GLCE: variants seen among roughly 807,000 people sequenced by gnomAD.
The protein encoded by GLCE is D-glucuronyl C5-epimerase.
GLCE carries 19 observed loss-of-function variants against 47.9 expected under a neutral mutation model. The observed-to-expected ratio is 0.40, with a 90% CI of 0.28 to 0.58. GLCE has a LOEUF of 0.58. GLCE is among the 20% of genes least tolerant of loss of function. The pLI, the probability that GLCE is intolerant of heterozygous loss-of-function variation, is 0.48. For missense variants in GLCE, 556 were observed against 743.3 expected (o/e 0.75, Z 2.93); for synonymous variants, 245 against 263.4 (o/e 0.93, Z 0.68).
At chr15:69,254,244 A>T (rs766369126) in intron 2 of GLCE, among the ~76,000 whole-genome samples, 1 of 152,218 alleles carries the variant, frequency 6.6e-6, no homozygotes. Context: ...TGTATCATAC[A>T]TTATATGTAT....
chr15:69,255,744 A>T, intron 2 of GLCE, 50 bp from the exon 3 acceptor site: 1 of 1,047,068 alleles, frequency 9.6e-7, no homozygotes, highest in Admixed American at 2.2e-5. Flanking sequence ...TATCCTATGA[A>T]ATGCCGGTAG....
At chr15:69,247,792 A>G (rs976018518) in intron 2 of GLCE, among the ~76,000 whole-genome samples, 4 of 152,196 alleles carry the variant, frequency 2.6e-5, no homozygotes, top group Non-Finnish European at 5.9e-5. Flanking sequence ...GAAACAGGCA[A>G]TCGGGGAACA....
At chr15:69,161,882 G>A (rs1016483455) in intron 1 of GLCE, among the ~76,000 whole-genome samples, 7 of 145,188 alleles carry the variant, frequency 4.8e-5, no homozygotes, top group Non-Finnish European at 9.1e-5. Flanking sequence ...CAGCTCCTGA[G>A]CAACTGGAAT....
intron 1 of GLCE, among the ~76,000 whole-genome samples, chr15:69,163,622 A>G (rs780470815): frequency 2.1e-4 from 32 of 152,238 alleles, no homozygotes; most frequent in Non-Finnish European, 3.5e-4. Context: ...GTAAGCATAC[A>G]AAAGCCTATA....
At position 69,257,810 on chromosome 15, in the gene GLCE, A is replaced by G. The variant is rs1041387507; in HGVS notation, c.586+1418A>G. On this transcript the variant is annotated intron_variant, in intron 3 of 4. Transcript: ENST00000261858. ...TGTTTACTATACAGTGATTCAGGAG[A>G]GTAATAGAGATTTCAAAGATATTCA... is the stretch of plus-strand genomic sequence containing the variant. Among the ~76,000 whole-genome samples, 6 of 152,052 alleles carry G rather than the reference A, an allele frequency of 3.9e-5. No homozygotes were observed. The East Asian group carries it at 1.2e-3, about 29-fold the overall frequency.
chr15:69,180,815 A>G (rs538239387), intron 1 of GLCE, among the ~76,000 whole-genome samples: 2 of 152,246 alleles, frequency 1.3e-5, no homozygotes, highest in Non-Finnish European at 2.9e-5. Context: ...TACGTGGTAT[A>G]GAAAGACATT....
chr15:69,179,657 G>A (rs531889285), intron 1 of GLCE, among the ~76,000 whole-genome samples: 1,755 of 152,232 alleles, frequency 0.012, 26 homozygotes, highest in African/African-American at 0.038. Context: ...TTATAGGGGA[G>A]ATAATAGAGA....
chr15:69,244,557 T>C (rs563919279), intron 2 of GLCE, among the ~76,000 whole-genome samples: 2 of 152,302 alleles, frequency 1.3e-5, no homozygotes, highest in African/African-American at 4.8e-5. Context: ...TGAAATATAA[T>C]ATTTATATAT....
intron 1 of GLCE, among the ~76,000 whole-genome samples, chr15:69,178,760 T>G (rs540854974): frequency 4.6e-5 from 7 of 152,304 alleles, no homozygotes; most frequent in African/African-American, 1.7e-4. Context: ...TGACTTTACA[T>G]GTTAAAATGA....
At chr15:69,230,995 A>G (rs1428994502) in intron 2 of GLCE, among the ~76,000 whole-genome samples, 1 of 152,206 alleles carries the variant, frequency 6.6e-6, no homozygotes, top group Non-Finnish European at 1.5e-5. Context: ...TGTATTTCAG[A>G]TGGAATACTT....
intron 2 of GLCE, among the ~76,000 whole-genome samples, chr15:69,246,662 G>A (rs190093313): frequency 6.6e-6 from 1 of 150,810 alleles, no homozygotes; most frequent in Non-Finnish European, 1.5e-5. Context: ...GTTGCAGTGA[G>A]CCGAGATCAT....
At chr15:69,232,621 A>T (rs2052540579) in intron 2 of GLCE, among the ~76,000 whole-genome samples, 4 of 152,170 alleles carry the variant, frequency 2.6e-5, no homozygotes, top group African/African-American at 7.2e-5. Flanking sequence ...TTTTATTGTT[A>T]CAGAGCTTGG....
At chr15:69,163,799 G>A (rs1036567161) in intron 1 of GLCE, among the ~76,000 whole-genome samples, 19 of 152,134 alleles carry the variant, frequency 1.2e-4, no homozygotes, top group African/African-American at 4.6e-4. Flanking sequence ...AAACATTTCA[G>A]TCACTATGCA....
chr15:69,240,446 G>A (rs575600619), intron 2 of GLCE, among the ~76,000 whole-genome samples: 1 of 152,176 alleles, frequency 6.6e-6, no homozygotes, highest in East Asian at 1.9e-4. Context: ...GAAAATTGTA[G>A]AAAACATTTT....
At chr15:69,222,733 A>C (rs1053355686) in intron 2 of GLCE, among the ~76,000 whole-genome samples, 1 of 152,182 alleles carries the variant, frequency 6.6e-6, no homozygotes, top group African/African-American at 2.4e-5. Flanking sequence ...ATTTCTGGCT[A>C]TGACTAGTCA....
chr15:69,223,345 ATTTT>A (rs1211697846), intron 2 of GLCE, among the ~76,000 whole-genome samples: 1 of 151,906 alleles, frequency 6.6e-6, no homozygotes, highest in African/African-American at 2.4e-5. Flanking sequence ...TGTTTGACAG[ATTTT>A]TTTGTTTGTT....
In GLCE at chr15:69,255,412, C is replaced by G. The variant is rs2052907013; in HGVS notation, c.-13-382C>G. On this transcript the variant is annotated intron_variant, in intron 2 of 4. Coordinates refer to ENST00000261858, the MANE Select transcript of GLCE (RefSeq NM_015554.3). ...AACTGTTAAGTGTAATGCAGATATT[C>G]CCAAATCTGAGAAAAATCCAAAATC... Among the ~76,000 whole-genome samples, 3 of 152,082 alleles carry G rather than the reference C, an allele frequency of 2.0e-5. No individual in the cohort carries two copies. In the South Asian group the frequency reaches 6.2e-4, roughly 32 times the overall value.
chr15:69,174,523 T>A (rs889685275), intron 1 of GLCE, among the ~76,000 whole-genome samples: 49 of 152,110 alleles, frequency 3.2e-4, no homozygotes, highest in African/African-American at 1.2e-3. Context: ...AGCAGCAGAA[T>A]CACTTGAGCC....
intron 3 of GLCE, 149 bp downstream of exon 3, chr15:69,256,541 A>G (rs2052928187): frequency 1.6e-6 from 1 of 626,146 alleles, no homozygotes; most frequent in African/African-American, 1.8e-5. Context: ...GTTAAGCCTG[A>G]ACCTAGGGCA....
Sources: gnomAD v4.1 joint callset for allele counts (sites outside exome capture counted in the v4.1 genomes callset) on GRCh38, gnomAD v4.1.1 for gene constraint, MANE v1.5 for transcripts, NCBI Gene and HGNC (gene_info 2026-07-23, HGNC 2026-07-21) for gene names.